Variants in GPM6A observed in about 807,000 individuals in gnomAD.
GPM6A encodes glycoprotein M6A.
Under a neutral mutation model 32.1 loss-of-function variants are expected in GPM6A, and 7 were observed. The ratio of observed to expected loss-of-function variants is 0.22; its 90% CI spans 0.12 to 0.41. GPM6A has a LOEUF of 0.41. Among genes scored for constraint, GPM6A ranks in the 10% least tolerant of loss-of-function variants. The pLI is 1.00. For missense variants in GPM6A, 235 were observed against 347.2 expected (o/e 0.68, Z 2.57); for synonymous variants, 130 against 123.4 (o/e 1.05, Z -0.35).
chr4:175,643,862 A>G (rs1195837789), intron 4 of GPM6A, among the ~76,000 whole-genome samples: 1 of 152,176 alleles, frequency 6.6e-6, no homozygotes, highest in Non-Finnish European at 1.5e-5. Context: ...TCCTCTAGGA[A>G]CACTCAAATG....
At chr4:175,849,995 C>T (rs141481872) in intron 1 of GPM6A, among the ~76,000 whole-genome samples, 39 of 152,142 alleles carry the variant, frequency 2.6e-4, no homozygotes, top group Non-Finnish European at 5.0e-4. Context: ...TGAGTATGGA[C>T]GGAGTAAAGG....
intron 1 of GPM6A, among the ~76,000 whole-genome samples, chr4:175,853,295 T>C (rs932160342): frequency 1.1e-4 from 17 of 152,166 alleles, no homozygotes; most frequent in Middle Eastern, 6.8e-3. Flanking sequence ...TTTTTTGGCA[T>C]GATATCAAAA....
intron 6 of GPM6A, among the ~76,000 whole-genome samples, chr4:175,636,295 TATAC>T (rs1553967494): frequency 3.0e-5 from 4 of 133,408 alleles, no homozygotes; most frequent in Admixed American, 7.4e-5. Context: ...TATATATATA[TATAC>T]ATATATATAT....
intron 1 of GPM6A, among the ~76,000 whole-genome samples, chr4:175,899,367 A>G (rs1168787884): frequency 6.6e-6 from 1 of 152,214 alleles, no homozygotes; most frequent in Non-Finnish European, 1.5e-5. Context: ...ATAAATAGAC[A>G]ATAAATACAT....
At chr4:175,952,476 TA>T (rs1481229319) in intron 1 of GPM6A, among the ~76,000 whole-genome samples, 1 of 152,164 alleles carries the variant, frequency 6.6e-6, no homozygotes, top group Non-Finnish European at 1.5e-5. Flanking sequence ...TTGCCCATTG[TA>T]ACAAGGAGCG....
chr4:175,647,629 T>G (rs561629490), intron 4 of GPM6A, among the ~76,000 whole-genome samples: 2 of 152,304 alleles, frequency 1.3e-5, no homozygotes, highest in African/African-American at 4.8e-5. Context: ...TATTACATAT[T>G]AAATACCTAG....
At chr4:175,695,626 C>T (rs746197328) in intron 2 of GPM6A, among the ~76,000 whole-genome samples, 20 of 152,130 alleles carry the variant, frequency 1.3e-4, no homozygotes, top group Non-Finnish European at 2.6e-4. Context: ...TTGGGAGTAA[C>T]TGACTTGTTT....
chr4:175,943,803 C>T (rs559258391), intron 1 of GPM6A, among the ~76,000 whole-genome samples: 188 of 152,120 alleles, frequency 1.2e-3, no homozygotes, highest in African/African-American at 3.6e-3. Flanking sequence ...TGAGGGTTTT[C>T]GCATCGATGT....
Position 175,634,799 on chromosome 4 carries a change from C to G in GPM6A, c.*106G>C. Reference sequence around the variant, plus strand: ...GTGATTCATAAGTCACCTTACATATCATTGATGAGAAGCACTTTCGTTTTG... The same window carrying G: ...GTGATTCATAAGTCACCTTACATATGATTGATGAGAAGCACTTTCGTTTTG... On this transcript the variant is annotated 3_prime_UTR_variant, in exon 7 of 7. Coordinates refer to ENST00000393658, the MANE Select transcript of GPM6A (RefSeq NM_201591.3). 1.2e-6 allele frequency: 1 copy of G among 809,296 alleles called. No homozygotes were observed. 50.1% of individuals were successfully genotyped at this position (809,296 alleles called of 1,614,324 possible). A position where few individuals can be genotyped will look rare whatever the true frequency, so the allele number is the denominator to read the frequency against.
intron 1 of GPM6A, among the ~76,000 whole-genome samples, chr4:175,945,571 G>A (rs1329387233): frequency 6.6e-6 from 1 of 151,170 alleles, no homozygotes; most frequent in Non-Finnish European, 1.5e-5. Context: ...TTAGTTGTAA[G>A]TAATACGCAC....
Position 175,714,014 on chromosome 4 carries a change from T to C in GPM6A, c.38-12247A>G, listed in dbSNP as rs189561187. On this transcript the variant is annotated intron_variant, in intron 1 of 6. Coordinates refer to ENST00000393658, the MANE Select transcript of GPM6A (RefSeq NM_201591.3). The stretch of plus-strand genomic sequence containing the variant: ...CTGCTATCATATTTGTATTTAATAA[T>C]ATCTTTTAATTTTTTTGGTAGTTAC... Among the ~76,000 whole-genome samples the C allele has an allele frequency of 2.6e-5, 4 of 152,312 alleles. No individual in the cohort carries two copies. The East Asian group carries it at 7.7e-4, about 29-fold the overall frequency.
intron 1 of GPM6A, among the ~76,000 whole-genome samples, chr4:175,949,052 A>G (rs1739712777): frequency 6.6e-6 from 1 of 151,402 alleles, no homozygotes; most frequent in Non-Finnish European, 1.5e-5. Flanking sequence ...CCACAGTTGA[A>G]TTCCCTTCCA....
intron 1 of GPM6A, among the ~76,000 whole-genome samples, chr4:175,733,863 C>T (rs892799921): frequency 3.9e-5 from 6 of 151,952 alleles, no homozygotes; most frequent in East Asian, 1.9e-4. Context: ...GGTCTTTTAA[C>T]GATAATTTAA....
intron 1 of GPM6A, among the ~76,000 whole-genome samples, chr4:175,945,248 G>A (rs1739552223): frequency 6.6e-6 from 1 of 152,074 alleles, no homozygotes. Context: ...ATAAGAAACT[G>A]CACGTATCAC....
At chr4:175,701,393 C>T (rs1286043335) in intron 2 of GPM6A, among the ~76,000 whole-genome samples, 182 bp downstream of exon 2, 13 of 152,164 alleles carry the variant, frequency 8.5e-5, no homozygotes, top group Admixed American at 7.9e-4. Flanking sequence ...TCCTGTGCTA[C>T]GTGCCTTCTA....
chr4:175,920,667 A>C (rs1738635833), intron 1 of GPM6A, among the ~76,000 whole-genome samples: 1 of 151,946 alleles, frequency 6.6e-6, no homozygotes, highest in Non-Finnish European at 1.5e-5. Flanking sequence ...GGGCAACATG[A>C]TGAAACCCCG....
intron 1 of GPM6A, 36 bp downstream of exon 1, chr4:175,812,155 T>C: frequency 1.4e-6 from 2 of 1,445,656 alleles, no homozygotes; most frequent in Non-Finnish European, 1.9e-6. Flanking sequence ...TGCAAAATAA[T>C]TACTTAGTTA....
intron 1 of GPM6A, among the ~76,000 whole-genome samples, chr4:175,964,785 A>T (rs1365795912): frequency 6.6e-6 from 1 of 152,210 alleles, no homozygotes; most frequent in Non-Finnish European, 1.5e-5. Context: ...TAGCTATATT[A>T]GTTTCAGACA....
At chr4:175,993,472 C>T (rs1488400962) in intron 1 of GPM6A, among the ~76,000 whole-genome samples, 1 of 151,948 alleles carries the variant, frequency 6.6e-6, no homozygotes, top group Non-Finnish European at 1.5e-5. Flanking sequence ...ATCCTTCTTG[C>T]CTTAGTGTTT....
Sources: gnomAD v4.1 joint callset for allele counts (sites outside exome capture counted in the v4.1 genomes callset) on GRCh38, gnomAD v4.1.1 for gene constraint, MANE v1.5 for transcripts, NCBI Gene and HGNC (gene_info 2026-07-23, HGNC 2026-07-21) for gene names.